Variants in DNAH14 observed in about 807,000 individuals in gnomAD.
DNAH14 encodes the protein axonemal beta dynein heavy chain 14.
DNAH14 carries 478 observed loss-of-function variants against 520.9 expected under a neutral mutation model. The ratio of observed to expected loss-of-function variants is 0.92; its 90% confidence interval spans 0.85 to 0.99. The LOEUF is 0.99. Ranked by LOEUF, DNAH14 falls within the 50% of genes least tolerant of loss-of-function variation. The pLI is 0.00. For synonymous variants in DNAH14, 1,581 were observed against 1,757.2 expected (o/e 0.90, Z 2.51); for missense variants, 4,831 against 5,234.5 (o/e 0.92, Z 2.38).
chr1:225,143,883 A>G (rs934367258), intron 28 of DNAH14, among the ~76,000 whole-genome samples: 6 of 152,216 alleles, frequency 3.9e-5, no homozygotes, highest in Non-Finnish European at 7.3e-5. Context: ...ATGTAACTCA[A>G]AACCTTCTAG....
In DNAH14 at chr1:225,061,456, G is replaced by A. The variant is rs188281992; in HGVS notation, c.2424+9661G>A. On this transcript the variant is annotated intron_variant, in intron 17 of 85. Transcript: ENST00000682510. ...GAAAAGGAATTCCCTGACCCCTTGC[G>A]CTTCCTGGGTGAGGCCGTGCCTCAC... is the stretch of plus-strand genomic sequence containing the variant. 3.3e-4 allele frequency among the ~76,000 whole-genome samples: 50 copies of A among 152,272 alleles called. No individual in the cohort carries two copies. The East Asian group carries it at 3.3e-3, about 10-fold the overall frequency.
chr1:225,374,044 G>A (rs1389619281), intron 77 of DNAH14, among the ~76,000 whole-genome samples: 5 of 144,982 alleles, frequency 3.4e-5, no homozygotes, highest in Non-Finnish European at 3.1e-5. Flanking sequence ...GAGAGGTCAA[G>A]GATGTAGTTA....
At chr1:225,250,736 GA>G in intron 43 of DNAH14, 2 of 511,524 alleles carry the variant, frequency 3.9e-6, no homozygotes, top group Non-Finnish European at 7.2e-6. Context: ...GTTTCTGCAG[GA>G]AGGAATGGGC....
rs1175938751 is a variant in DNAH14, at chr1:225,398,555, T to A, written c.13527T>A (p.Phe4509Leu). The change falls in exon 85 of 86, where the codon TTT becomes TTA. Residue 4509 changes from phenylalanine to leucine, a missense_variant. Phe to Leu is a conservative substitution (Grantham distance 22). Transcript: ENST00000682510. ...SASSHTGVYI[F>L]GLFIEGARWN... Reference sequence around the variant, plus strand: ...CCTCTCACACTGGAGTTTACATTTTTGGTTTATTCATCGAGGGGGCAAGAT... The same window carrying A: ...CCTCTCACACTGGAGTTTACATTTTAGGTTTATTCATCGAGGGGGCAAGAT... 6.4e-7 allele frequency: 1 copy of A among 1,551,652 alleles called. No individual in the cohort carries two copies. Among genetic ancestry groups the A allele is most frequent in the African/African-American group, 1.4e-5 (1 of 73,054 alleles).
intron 36 of DNAH14, among the ~76,000 whole-genome samples, chr1:225,168,733 A>G (rs976346918): frequency 1.3e-5 from 2 of 152,216 alleles, no homozygotes; most frequent in African/African-American, 4.8e-5. Flanking sequence ...GGCAGGGCAC[A>G]GCCAAATAAA....
At chr1:225,189,430 A>G (rs74479181) in intron 37 of DNAH14, among the ~76,000 whole-genome samples, 16,618 of 149,646 alleles carry the variant, frequency 0.11, 1,456 homozygotes, top group East Asian at 0.23. Context: ...TTTTTTTACA[A>G]GAGTTTGAGT....
At chr1:225,194,864 A>T (rs2085931422) in intron 38 of DNAH14, among the ~76,000 whole-genome samples, 1 of 152,200 alleles carries the variant, frequency 6.6e-6, no homozygotes, top group South Asian at 2.1e-4. Flanking sequence ...ATATGAACAG[A>T]CACTTCTCCA....
chr1:225,205,663 A>G (rs138256788), intron 39 of DNAH14, among the ~76,000 whole-genome samples: 163 of 152,330 alleles, frequency 1.1e-3, no homozygotes, highest in African/African-American at 3.1e-3. Flanking sequence ...GCAAACTTAC[A>G]AATCATATTA....
intron 49 of DNAH14, among the ~76,000 whole-genome samples, chr1:225,269,255 C>G (rs1167666958): frequency 6.6e-6 from 1 of 152,112 alleles, no homozygotes; most frequent in Non-Finnish European, 1.5e-5. Flanking sequence ...ATAAATGGTG[C>G]TGGGAAAACT....
intron 13 of DNAH14, among the ~76,000 whole-genome samples, chr1:225,043,436 G>T (rs1161948983): frequency 6.6e-6 from 1 of 152,206 alleles, no homozygotes; most frequent in Non-Finnish European, 1.5e-5. Flanking sequence ...TAAACTTACA[G>T]ATCATTGTTG....
chr1:225,219,176 G>A (rs181420231), intron 41 of DNAH14, among the ~76,000 whole-genome samples: 1 of 152,256 alleles, frequency 6.6e-6, no homozygotes, highest in Admixed American at 6.5e-5. Flanking sequence ...AGTGTTTAGA[G>A]GGAAATGTAT....
intron 9 of DNAH14, among the ~76,000 whole-genome samples, chr1:225,003,617 T>TTATG (rs1340397300): frequency 2.0e-5 from 3 of 152,078 alleles, no homozygotes; most frequent in Non-Finnish European, 2.9e-5. Context: ...TTAGAATTGA[T>TTATG]TATGTGTAAT....
intron 37 of DNAH14, among the ~76,000 whole-genome samples, chr1:225,192,276 C>T (rs566048798): frequency 4.6e-5 from 7 of 152,208 alleles, no homozygotes; most frequent in South Asian, 4.1e-4. Flanking sequence ...ATACATAAAA[C>T]GAGACCAGAT....
At chr1:225,365,645 G>A (rs904427841) in intron 76 of DNAH14, among the ~76,000 whole-genome samples, 2 of 152,058 alleles carry the variant, frequency 1.3e-5, no homozygotes, top group Admixed American at 6.5e-5. Context: ...CCGGTTCCTG[G>A]GGCAGACAGA....
intron 66 of DNAH14, among the ~76,000 whole-genome samples, chr1:225,335,355 A>ACG (rs1214416744): frequency 1.4e-5 from 1 of 72,714 alleles, no homozygotes; most frequent in African/African-American, 5.9e-5. Flanking sequence ...GTGTATATGC[A>ACG]TATACACGTG....
intron 80 of DNAH14, among the ~76,000 whole-genome samples, 198 bp downstream of exon 80, chr1:225,380,520 G>A (rs1479483639): frequency 6.6e-6 from 1 of 152,182 alleles, no homozygotes; most frequent in African/African-American, 2.4e-5. Context: ...TTAGTTTGGG[G>A]GTGGGTAGCG....
chr1:225,054,015 G>A (rs2068796393), intron 17 of DNAH14, among the ~76,000 whole-genome samples: 1 of 152,092 alleles, frequency 6.6e-6, no homozygotes, highest in Non-Finnish European at 1.5e-5. Flanking sequence ...GAGAATCACT[G>A]AGAATCTGTG....
Position 225,306,362 on chromosome 1 carries a change from G to A in DNAH14, c.9006-1099G>A, listed in dbSNP as rs181371644. Among the ~76,000 whole-genome samples the A allele has an allele frequency of 5.3e-5, 8 of 152,242 alleles. No homozygotes were observed. The East Asian group carries it at 1.5e-3, about 29-fold the overall frequency. On this transcript the variant is annotated intron_variant, in intron 58 of 85. Transcript: ENST00000682510. ...TAATCTTGTTCTGTTTCAAGGAGAGGCTGTTCACTCCTGGGGTCAGCAGAT... is the reference window on the plus strand; with the variant it reads ...TAATCTTGTTCTGTTTCAAGGAGAGACTGTTCACTCCTGGGGTCAGCAGAT...
intron 22 of DNAH14, 22 bp from the exon 23 acceptor site, chr1:225,100,691 A>G: frequency 6.8e-7 from 1 of 1,464,136 alleles, no homozygotes; most frequent in South Asian, 1.5e-5. Flanking sequence ...AAATAAAATG[A>G]CATCTAATTT....
Sources: allele counts gnomAD v4.1 joint callset (sites outside exome capture counted in the v4.1 genomes callset), GRCh38; gene constraint gnomAD v4.1.1; transcripts MANE v1.5; gene names NCBI Gene and HGNC (gene_info 2026-07-23, HGNC 2026-07-21).